Variants in DACH2 observed in about 807,000 individuals in gnomAD.
DACH2 encodes the protein dachshund family transcription factor 2, also known as dachshund homolog 2.
A neutral mutation model predicts 35.8 loss-of-function variants in DACH2; 17 were observed. The ratio of observed to expected loss-of-function variants is 0.48; its 90% CI spans 0.33 to 0.71. The LOEUF is 0.71. Among genes scored for constraint, DACH2 ranks in the 30% least tolerant of loss-of-function variants. DACH2 has a pLI of 0.02. For missense variants in DACH2, 469 were observed against 472.7 expected (o/e 0.99, Z 0.07); for synonymous variants, 195 against 177.3 (o/e 1.10, Z -0.79).
intron 3 of DACH2, among the ~76,000 whole-genome samples, chrX:86,632,978 CAAAA>C (rs538023418): frequency 4.7e-5 from 5 of 105,311 alleles, no homozygotes; most frequent in African/African-American, 6.8e-5. Flanking sequence ...ATTCCTACAT[CAAAA>C]AAAAAATCAC....
Position 86,293,832 on chromosome X carries a change from T to C in DACH2, c.489-82992T>C, listed in dbSNP as rs969143309. ...GGGCTTCCCTTTGAGGGTAACCCTATGTTTCTCTCTGGCTGCCCTTAACAT... is the reference window on the plus strand; with the variant it reads ...GGGCTTCCCTTTGAGGGTAACCCTACGTTTCTCTCTGGCTGCCCTTAACAT... On this transcript the variant is annotated intron_variant, in intron 1 of 11. Coordinates refer to ENST00000373125, the MANE Select transcript of DACH2 (RefSeq NM_053281.3). 5.3e-4 allele frequency among the ~76,000 whole-genome samples: 59 copies of C among 111,135 alleles called. 1 individual carries two copies. In the East Asian group the frequency reaches 6.0e-3, roughly 11 times the overall value.
At chrX:86,297,386 G>T (rs1046759085) in intron 1 of DACH2, among the ~76,000 whole-genome samples, 4 of 111,508 alleles carry the variant, frequency 3.6e-5, no homozygotes, top group African/African-American at 9.8e-5. Flanking sequence ...GCAGTGGTGT[G>T]TGAGCAGCTG....
intron 6 of DACH2, among the ~76,000 whole-genome samples, chrX:86,725,550 G>T (rs1179424028): frequency 9.0e-6 from 1 of 111,287 alleles, no homozygotes; most frequent in East Asian, 2.8e-4. Context: ...GGCATCAATA[G>T]GCTGTGTCTG....
chrX:86,578,518 G>A (rs1406169428), intron 3 of DACH2, among the ~76,000 whole-genome samples: 1 of 111,073 alleles, frequency 9.0e-6, no homozygotes, highest in Non-Finnish European at 1.9e-5. Flanking sequence ...TATATAATTG[G>A]AATCATAGAA....
At chrX:86,812,614 T>A (rs970367936) in intron 7 of DACH2, among the ~76,000 whole-genome samples, 9 of 111,866 alleles carry the variant, frequency 8.0e-5, no homozygotes, top group Non-Finnish European at 1.7e-4. Context: ...TATCTTAAGT[T>A]TTTTCTCCAG....
intron 2 of DACH2, among the ~76,000 whole-genome samples, chrX:86,450,333 C>G (rs1457692515): frequency 9.0e-6 from 1 of 111,386 alleles, no homozygotes; most frequent in Non-Finnish European, 1.9e-5. Context: ...GTTTGGTTTT[C>G]TCTTCCTGCA....
At chrX:86,170,084 C>T (rs2147872251) in intron 1 of DACH2, among the ~76,000 whole-genome samples, 1 of 111,880 alleles carries the variant, frequency 8.9e-6, no homozygotes, top group East Asian at 2.8e-4. Context: ...TTCTTGCAGA[C>T]TCGTAGAGGT....
chrX:86,622,017 G>C (rs928641716), intron 3 of DACH2, among the ~76,000 whole-genome samples: 1 of 111,307 alleles, frequency 9.0e-6, no homozygotes, highest in Non-Finnish European at 1.9e-5. Context: ...AAAATCTAGT[G>C]TGTATATCAT....
intron 4 of DACH2, among the ~76,000 whole-genome samples, chrX:86,672,953 C>T (rs142493561): frequency 0.016 from 1,780 of 111,881 alleles, 35 homozygotes; most frequent in African/African-American, 0.055. Flanking sequence ...GGGCCATACC[C>T]GCAGAGCCAC....
At chrX:86,475,999 A>C (rs1271519324) in intron 2 of DACH2, among the ~76,000 whole-genome samples, 2 of 112,316 alleles carry the variant, frequency 1.8e-5, no homozygotes, top group East Asian at 5.6e-4. Flanking sequence ...TGTATGTGGA[A>C]CCATTGTTGT....
intron 1 of DACH2, among the ~76,000 whole-genome samples, chrX:86,304,044 G>C (rs1234271770): frequency 9.0e-6 from 1 of 111,562 alleles, no homozygotes; most frequent in African/African-American, 3.3e-5. Context: ...ATAAACTACT[G>C]AAACAAAATA....
At chrX:86,770,208 A>G (rs146674726) in intron 7 of DACH2, among the ~76,000 whole-genome samples, 3,374 of 109,451 alleles carry the variant, frequency 0.031, 133 homozygotes, top group African/African-American at 0.11. Flanking sequence ...CCACATATTC[A>G]TGTAGGTGGG....
chrX:86,417,816 G>A (rs984983728), intron 2 of DACH2, among the ~76,000 whole-genome samples: 1 of 111,413 alleles, frequency 9.0e-6, no homozygotes, highest in East Asian at 2.8e-4. Flanking sequence ...AATTAAATGA[G>A]TTAATTCTCA....
intron 7 of DACH2, among the ~76,000 whole-genome samples, chrX:86,808,558 GGTCA>G: frequency 9.1e-6 from 1 of 109,677 alleles, no homozygotes; most frequent in Non-Finnish European, 1.9e-5. Context: ...CACAGCAGTT[GGTCA>G]TTTTATTGTT....
chrX:86,598,644 T>G (rs776619671), intron 3 of DACH2, among the ~76,000 whole-genome samples: 1 of 110,951 alleles, frequency 9.0e-6, no homozygotes, highest in African/African-American at 3.3e-5. Context: ...CTTTTTTCTC[T>G]CATGGAGCTA....
chrX:86,469,336 G>A (rs2037725818), intron 2 of DACH2, among the ~76,000 whole-genome samples: 1 of 110,960 alleles, frequency 9.0e-6, no homozygotes, highest in Non-Finnish European at 1.9e-5. Context: ...AAATTTCTTA[G>A]GAAGGAGATT....
At chrX:86,275,145 C>G (rs1199050693) in intron 1 of DACH2, among the ~76,000 whole-genome samples, 2 of 111,841 alleles carry the variant, frequency 1.8e-5, no homozygotes, top group African/African-American at 6.5e-5. Context: ...ATTGCAACAG[C>G]TGCTTAATTT....
chrX:86,348,779 T>C (rs1602429158), intron 1 of DACH2, among the ~76,000 whole-genome samples: 1 of 112,786 alleles, frequency 8.9e-6, no homozygotes, highest in East Asian at 2.8e-4. Flanking sequence ...TTTTTGTCAT[T>C]ATAAGTGAAA....
chrX:86,392,242 G>A (rs2036215852), intron 2 of DACH2, among the ~76,000 whole-genome samples: 1 of 111,402 alleles, frequency 9.0e-6, no homozygotes, highest in African/African-American at 3.3e-5. Context: ...TGATTAAAAT[G>A]ATACCTGTTC....
Sources: gnomAD v4.1 joint callset for allele counts (sites outside exome capture counted in the v4.1 genomes callset) on GRCh38, gnomAD v4.1.1 for gene constraint, MANE v1.5 for transcripts, NCBI Gene and HGNC (gene_info 2026-07-23, HGNC 2026-07-21) for gene names.